The following GREB1L variants were observed in gnomAD, a reference collection of about 807,000 sequenced individuals.
GREB1L encodes GREB1-like protein.
In GREB1L, 17 loss-of-function variants were observed where a neutral mutation model predicts 200.8. The observed-to-expected ratio is 0.08, with a 90% CI of 0.06 to 0.13. The LOEUF (loss-of-function observed/expected upper bound fraction) is 0.13. GREB1L is among the 10% of genes least tolerant of loss of function. GREB1L has a pLI of 1.00. For missense variants in GREB1L, 1,657 were observed against 2,367.7 expected, an observed-to-expected ratio of 0.70 and a Z score of 6.23; for synonymous variants, 789 against 893.0, an observed-to-expected ratio of 0.88 and a Z score of 2.08.
chr18:21,515,443 G>C lies in GREB1L; in HGVS notation c.4928G>C (p.Ser1643Thr). The change falls in exon 29 of 33, where the codon AGT becomes ACT. Residue 1643 changes from serine (S) to threonine (T), a missense_variant. Transcript: ENST00000424526. ...CAGCCCATGGAAGTAGGAGTTTCCAGTAAGAATGTGTCCTTGAAGACTGTC... is the reference window on the plus strand; with the variant it reads ...CAGCCCATGGAAGTAGGAGTTTCCACTAAGAATGTGTCCTTGAAGACTGTC... The part of the protein sequence containing the change: ...SSQPMEVGVS[S>T]KNVSLKTVLQ... 2 of 1,551,456 alleles carry C rather than the reference G, an allele frequency of 1.3e-6. No homozygotes were observed. The highest frequency in any genetic ancestry group is 1.4e-5 in the African/African-American group (1 of 73,168).
chr18:21,502,552 C>T (rs1016697931), intron 23 of GREB1L, among the ~76,000 whole-genome samples: 1 of 152,222 alleles, frequency 6.6e-6, no homozygotes, highest in African/African-American at 2.4e-5. Context: ...CCATATTTAA[C>T]CACTTTTTTA....
chr18:21,387,512 C>T (rs1195375864), intron 4 of GREB1L: 3 of 152,200 alleles, frequency 2.0e-5, no homozygotes, highest in Non-Finnish European at 4.4e-5. Flanking sequence ...CACTAACTTA[C>T]GTTTCTTTGC....
chr18:21,328,015 A>G (rs2039049896), intron 1 of GREB1L, among the ~76,000 whole-genome samples: 1 of 151,770 alleles, frequency 6.6e-6, no homozygotes, highest in African/African-American at 2.4e-5. Context: ...CGCCCGGCCA[A>G]CCCCAGCCTT....
chr18:21,248,977 G>A (rs2037652842), intron 1 of GREB1L, among the ~76,000 whole-genome samples: 1 of 152,020 alleles, frequency 6.6e-6, no homozygotes, highest in Non-Finnish European at 1.5e-5. Context: ...AAAACAATTA[G>A]ACAAATGCAC....
chr18:21,496,529 T>C lies in GREB1L; in HGVS notation c.3222T>C (p.Gly1074=). ...LTRTALEQEV[G]LACCYVSKEV... is the part of the protein sequence containing the mutation. The stretch of plus-strand genomic sequence containing the variant: ...GCACGGCCTTGGAGCAGGAGGTGGG[T>C]CTGGCATGCTGCTATGTCTCAAAAG... Residue 1074 remains glycine, a synonymous_variant, in exon 21 of 33, where the codon GGT becomes GGC. Transcript: ENST00000424526. The C allele has an allele frequency of 1.9e-6, 3 of 1,551,650 alleles. No individual in the cohort carries two copies. The highest frequency in any genetic ancestry group is 2.6e-6 in the Non-Finnish European group (3 of 1,146,996).
chr18:21,391,086 G>T (rs149886079), intron 4 of GREB1L, among the ~76,000 whole-genome samples: 29 of 152,208 alleles, frequency 1.9e-4, no homozygotes, highest in Middle Eastern at 3.4e-3. Context: ...TAGCCTAAGG[G>T]TACAGCATTT....
At chr18:21,274,036 A>G (rs1397336053) in intron 1 of GREB1L, among the ~76,000 whole-genome samples, 2 of 152,248 alleles carry the variant, frequency 1.3e-5, no homozygotes, top group Non-Finnish European at 2.9e-5. Context: ...TAACAAAAAT[A>G]CCACAAACTG....
intron 7 of GREB1L, chr18:21,435,215 A>G (rs1247704811): frequency 6.6e-6 from 1 of 152,650 alleles, no homozygotes; most frequent in Non-Finnish European, 1.5e-5. Flanking sequence ...GGCTGTCTAT[A>G]ATAATGTACT....
At chr18:21,243,713 G>GT (rs1438556263) in intron 1 of GREB1L, among the ~76,000 whole-genome samples, 11 of 152,110 alleles carry the variant, frequency 7.2e-5, no homozygotes, top group Non-Finnish European at 1.5e-4. Flanking sequence ...TTTCTAGGAG[G>GT]TTTTGTGAAT....
intron 31 of GREB1L, among the ~76,000 whole-genome samples, chr18:21,518,928 AG>A (rs1406823794): frequency 6.6e-6 from 1 of 152,208 alleles, no homozygotes; most frequent in Non-Finnish European, 1.5e-5. Context: ...ACCTGCCAGA[AG>A]AATATTTTGG....
intron 1 of GREB1L, among the ~76,000 whole-genome samples, chr18:21,242,789 C>T (rs555492381): frequency 1.9e-4 from 29 of 152,116 alleles, no homozygotes; most frequent in Non-Finnish European, 3.7e-4. Flanking sequence ...AGCGCGGGGT[C>T]CCCCGGCGGA....
At chr18:21,516,881 T>TTG in intron 30 of GREB1L, 127 bp downstream of exon 30, 5 of 871,416 alleles carry the variant, frequency 5.7e-6, no homozygotes, top group Non-Finnish European at 8.4e-6. Context: ...AAGGGAGTTT[T>TTG]TTTTTTTTTT....
intron 1 of GREB1L, among the ~76,000 whole-genome samples, chr18:21,250,634 C>G (rs1254431387): frequency 2.6e-5 from 4 of 152,144 alleles, no homozygotes; most frequent in Admixed American, 1.3e-4. Flanking sequence ...TAATATCTCT[C>G]TGTATTTTTA....
chr18:21,361,626 A>G (rs903390124), intron 1 of GREB1L, among the ~76,000 whole-genome samples: 3 of 152,048 alleles, frequency 2.0e-5, no homozygotes, highest in African/African-American at 4.8e-5. Context: ...GTGCAAATAG[A>G]ATGGTGAAGA....
chr18:21,477,350 T>C lies in GREB1L; in HGVS notation c.2550T>C (p.Asp850=). ...ATGAGGTTCACTGGATACAGCTGGA[T>C]ACTGGGGTGAGTCTCTTGCCTGCTG... ...SSNEVHWIQL[D]TGEDVGCEEK... Residue 850 remains aspartate, a synonymous_variant, in exon 17 of 33, where the codon GAT becomes GAC. Coordinates refer to ENST00000424526, the MANE Select transcript of GREB1L (RefSeq NM_001142966.3). 1 of 1,544,904 alleles carries C rather than the reference T, an allele frequency of 6.5e-7. No individual in the cohort carries two copies. Among genetic ancestry groups the C allele is most frequent in the Non-Finnish European group, 8.8e-7 (1 of 1,142,052 alleles).
chr18:21,287,176 G>T (rs8088694), intron 1 of GREB1L, among the ~76,000 whole-genome samples: 1 of 151,184 alleles, frequency 6.6e-6, no homozygotes, highest in Non-Finnish European at 1.5e-5. Flanking sequence ...TGTTTGTTTC[G>T]AAAAACAGAA....
At chr18:21,521,464 AAGTG>A (rs2037596372) in intron 32 of GREB1L, among the ~76,000 whole-genome samples, 1 of 152,100 alleles carries the variant, frequency 6.6e-6, no homozygotes, top group African/African-American at 2.4e-5. Context: ...TCAGTGAAGA[AAGTG>A]AGGTTCAGAA....
chr18:21,329,944 T>A (rs2039081846), intron 1 of GREB1L, among the ~76,000 whole-genome samples: 1 of 136,764 alleles, frequency 7.3e-6, no homozygotes, highest in Non-Finnish European at 1.6e-5. Flanking sequence ...TTGGCACTCC[T>A]CTTTACCCAC....
chr18:21,356,134 C>A (rs1292963771), intron 1 of GREB1L, among the ~76,000 whole-genome samples: 1 of 151,220 alleles, frequency 6.6e-6, no homozygotes, highest in Non-Finnish European at 1.5e-5. Flanking sequence ...CCACCACACC[C>A]AACTAATTTT....
Sources: gnomAD v4.1 joint callset for allele counts (sites outside exome capture counted in the v4.1 genomes callset) on GRCh38, gnomAD v4.1.1 for gene constraint, MANE v1.5 for transcripts, NCBI Gene and HGNC (gene_info 2026-07-23, HGNC 2026-07-21) for gene names.